The following ZNF654 variants were observed in gnomAD, a reference collection of about 807,000 sequenced individuals.
The protein encoded by ZNF654 is melanoma-associated antigen.
Under a neutral mutation model 95.3 loss-of-function variants are expected in ZNF654, and 19 were observed. The observed-to-expected ratio is 0.20, with a 90% confidence interval of 0.14 to 0.29. The LOEUF is 0.29. ZNF654 is among the 10% of genes least tolerant of loss of function. The pLI, the probability that ZNF654 is intolerant of heterozygous loss-of-function variation, is 1.00. For missense variants in ZNF654, 1,046 were observed against 1,341.0 expected (o/e 0.78, Z 3.44); for synonymous variants, 413 against 457.9 (o/e 0.90, Z 1.25).
In ZNF654 at chr3:88,088,765, G is replaced by T. The variant is rs541485663; in HGVS notation, c.332+2363G>T. ...TTATTTATGTATGTATGTATGTATG[G>T]ATGGATGGATGGATGGATGGATGGA... On this transcript the variant is annotated intron_variant, in intron 2 of 8. Coordinates refer to ENST00000636215, the MANE Select transcript of ZNF654 (RefSeq NM_001350134.2). 6.1e-3 allele frequency among the ~76,000 whole-genome samples: 917 copies of T among 149,560 alleles called. 7 individuals carry two copies. The highest frequency in any genetic ancestry group is 0.02 in the African/African-American group (817 of 40,424).
rs1261849922 is a variant in ZNF654, at chr3:88,144,270, T to C, written c.*2618T>C. 1 of 152,388 alleles carries C rather than the reference T, an allele frequency of 6.6e-6. No individual in the cohort carries two copies. The highest frequency in any genetic ancestry group is 1.5e-5 in the Non-Finnish European group (1 of 67,840). The allele number at this position is 152,388 out of a possible 1,614,324, so 9.4% of individuals were successfully genotyped here. A position where few individuals can be genotyped will look rare whatever the true frequency, so the allele number is the denominator to read the frequency against. On this transcript the variant is annotated 3_prime_UTR_variant, in exon 9 of 9. Coordinates refer to ENST00000636215, the MANE Select transcript of ZNF654 (RefSeq NM_001350134.2). ...AATTATATAATACTTAAATAATTTA[T>C]ATCATTGAACTTGTGATTCTTTTCA...
intron 1 of ZNF654, among the ~76,000 whole-genome samples, chr3:88,080,157 G>A (rs562611126): frequency 6.6e-6 from 1 of 152,026 alleles, no homozygotes; most frequent in East Asian, 1.9e-4. Context: ...TGCATTGTTT[G>A]TCAGATGAGC....
In ZNF654 at chr3:88,142,535, CTGTT is replaced by C. The variant is rs1707182479; in HGVS notation, c.*887_*890del. 1 of 152,270 alleles carries C rather than the reference CTGTT, an allele frequency of 6.6e-6. No individual in the cohort carries two copies. Among genetic ancestry groups the C allele is most frequent in the Non-Finnish European group, 1.5e-5 (1 of 67,836 alleles). The allele number at this position is 152,270 out of a possible 1,614,324, so 9.4% of individuals were successfully genotyped here. On this transcript the variant is annotated 3_prime_UTR_variant, in exon 9 of 9. Coordinates refer to ENST00000636215, the MANE Select transcript of ZNF654 (RefSeq NM_001350134.2). ...ATGGTAAAAGCACACTGGGATACTTCTGTTTGTGTATATGTTGGGACATTGCTTG... is the reference window on the plus strand; with the variant it reads ...ATGGTAAAAGCACACTGGGATACTTCTGTGTATATGTTGGGACATTGCTTG...
At chr3:88,129,321 TAAAAAAA>T (rs11370327) in intron 5 of ZNF654, among the ~76,000 whole-genome samples, 1 of 76,948 alleles carries the variant, frequency 1.3e-5, no homozygotes, top group Non-Finnish European at 2.4e-5. Context: ...TTGCCAGGAG[TAAAAAAA>T]AAAAAAAAAA....
At chr3:88,082,029 A>G (rs540019365) in intron 1 of ZNF654, among the ~76,000 whole-genome samples, 1 of 152,332 alleles carries the variant, frequency 6.6e-6, no homozygotes, top group African/African-American at 2.4e-5. Context: ...AGATTGTATT[A>G]GTCTGCGTTC....
At chr3:88,079,510 A>G (rs1455278377) in intron 1 of ZNF654, among the ~76,000 whole-genome samples, 1 of 152,088 alleles carries the variant, frequency 6.6e-6, no homozygotes, top group Admixed American at 6.5e-5. Context: ...TTTTTGTTTC[A>G]TAATGAAGAA....
chr3:88,141,675 G>A lies in ZNF654; in HGVS notation c.*23G>A, dbSNP rs1707143611. On this transcript the variant is annotated 3_prime_UTR_variant, in exon 9 of 9. Coordinates refer to ENST00000636215, the MANE Select transcript of ZNF654 (RefSeq NM_001350134.2). ...TGATGAAAACGGTTCAGAAAGATCT[G>A]TCAATCAAGCAGTAGTGTGAAAAAA... The A allele has an allele frequency of 2.7e-6, 4 of 1,498,920 alleles. No individual in the cohort carries two copies. In the South Asian group the frequency reaches 5.3e-5, roughly 20 times the overall value. 92.9% of individuals were successfully genotyped at this position (1,498,920 alleles called of 1,614,324 possible).
chr3:88,128,158 G>A (rs1706230496), intron 4 of ZNF654, among the ~76,000 whole-genome samples: 1 of 152,008 alleles, frequency 6.6e-6, no homozygotes, highest in African/African-American at 2.4e-5. Context: ...TCATAAGGTT[G>A]TTGTTAGGTC....
At chr3:88,116,299 T>A (rs573535148) in intron 3 of ZNF654, among the ~76,000 whole-genome samples, 1 of 152,158 alleles carries the variant, frequency 6.6e-6, no homozygotes, top group South Asian at 2.1e-4. Flanking sequence ...GGCGGGCAGA[T>A]CACCTGAGGG....
rs1311714672 is a variant in ZNF654 at position 88,142,443 on chromosome 3, A to G, written c.*791A>G. ...CAGTACTCTGGGGAGAGATGAAAGG[A>G]ATCTAAGACTTTACAGGCTTTGTAG... On this transcript the variant is annotated 3_prime_UTR_variant, in exon 9 of 9. Coordinates refer to ENST00000636215, the MANE Select transcript of ZNF654 (RefSeq NM_001350134.2). 2.6e-5 allele frequency: 4 copies of G among 152,502 alleles called. No individual in the cohort carries two copies. The East Asian group carries it at 7.7e-4, about 29-fold the overall frequency. 9.4% of individuals were successfully genotyped at this position (152,502 alleles called of 1,614,324 possible).
At chr3:88,124,400 C>T (rs890513825) in intron 3 of ZNF654, among the ~76,000 whole-genome samples, 1 of 152,186 alleles carries the variant, frequency 6.6e-6, no homozygotes, top group Admixed American at 6.5e-5. Context: ...TAATGTTTGA[C>T]TATAAGTGAT....
chr3:88,113,766 C>G (rs1398021172), intron 3 of ZNF654, among the ~76,000 whole-genome samples: 1 of 151,802 alleles, frequency 6.6e-6, no homozygotes, highest in Non-Finnish European at 1.5e-5. Flanking sequence ...TTGAGCTCCC[C>G]CTAGGGGTGA....
At chr3:88,072,955 T>A (rs1272313046) in intron 1 of ZNF654, among the ~76,000 whole-genome samples, 2 of 117,236 alleles carry the variant, frequency 1.7e-5, no homozygotes. Context: ...AGGATTTGAC[T>A]TGACTCTTAA....
At chr3:88,080,308 A>C (rs1172211963) in intron 1 of ZNF654, among the ~76,000 whole-genome samples, 1 of 152,114 alleles carries the variant, frequency 6.6e-6, no homozygotes, top group African/African-American at 2.4e-5. Flanking sequence ...TGATGTAATG[A>C]AATTGTCACT....
Position 88,142,978 on chromosome 3 carries a change from T to C in ZNF654, c.*1326T>C, listed in dbSNP as rs1036870364. The C allele has an allele frequency of 6.6e-6, 1 of 152,302 alleles. No homozygotes were observed. Among genetic ancestry groups the C allele is most frequent in the African/African-American group, 2.4e-5 (1 of 41,424 alleles). The allele number at this position is 152,302 out of a possible 1,614,324, so 9.4% of individuals were successfully genotyped here. ...AAGATGCTTAAAGACTTCCTTTTAC[T>C]AATAGTGTGTAAATCTAAAACAGGG... On this transcript the variant is annotated 3_prime_UTR_variant, in exon 9 of 9. Transcript: ENST00000636215.
At chr3:88,121,100 A>G (rs1447800055) in intron 3 of ZNF654, among the ~76,000 whole-genome samples, 3 of 151,894 alleles carry the variant, frequency 2.0e-5, no homozygotes, top group African/African-American at 7.2e-5. Context: ...TTAAAGTAAA[A>G]TAAATAATAA....
chr3:88,140,875 T>C lies in ZNF654; in HGVS notation c.3206T>C (p.Phe1069Ser). Residue 1069 changes from phenylalanine (F) to serine (S), a missense_variant, in exon 8 of 9, where the codon TTT becomes TCT. Physicochemically the swap from Phe to Ser is radical, Grantham distance 155 (BLOSUM62 -2). This residue lies in a region of ZNF654 where 59 missense variants were observed against 73.0 expected (regional missense o/e 0.81). Transcript: ENST00000636215. ...CTTAGTATGCCAAAACGCAGAAAAT[T>C]TCTGACTGATAGAGTAGATGCCTGT... ...RYLSMPKRRK[F>S]LTDRVDACSD... is the part of the protein sequence containing the mutation. 6.2e-7 allele frequency: 1 copy of C among 1,613,614 alleles called. No homozygotes were observed. Among genetic ancestry groups the C allele is most frequent in the South Asian group, 1.1e-5 (1 of 91,070 alleles).
chr3:88,069,802 G>A (rs1419812919), intron 1 of ZNF654, among the ~76,000 whole-genome samples: 1 of 152,160 alleles, frequency 6.6e-6, no homozygotes, highest in Non-Finnish European at 1.5e-5. Flanking sequence ...CTGCAAACCA[G>A]TAGAAGTTAT....
rs1291447835 is a variant in ZNF654, at chr3:88,129,961, ATAG to A, written c.893+139_893+141del. 16 of 708,866 alleles carry A rather than the reference ATAG, an allele frequency of 2.3e-5. No homozygotes were observed. In the African/African-American group the frequency reaches 2.3e-4, roughly 10 times the overall value. The allele number at this position is 708,866 out of a possible 1,614,324, so 43.9% of individuals were successfully genotyped here. A position where few individuals can be genotyped will look rare whatever the true frequency, so the allele number is the denominator to read the frequency against. On this transcript the variant is annotated intron_variant, in intron 6 of 8. Coordinates refer to ENST00000636215, the MANE Select transcript of ZNF654 (RefSeq NM_001350134.2). Reference sequence around the variant, plus strand: ...AAAAAAATTGATTGTGCAAGGAACAATAGTAGATTCTAAGAACTAGAGACTTTA... The same window carrying A: ...AAAAAAATTGATTGTGCAAGGAACAATAGATTCTAAGAACTAGAGACTTTA...
Sources: allele counts gnomAD v4.1 joint callset (sites outside exome capture counted in the v4.1 genomes callset), GRCh38; gene constraint gnomAD v4.1.1; regional missense constraint gnomAD v4.1.1; transcripts MANE v1.5; gene names NCBI Gene and HGNC (gene_info 2026-07-23, HGNC 2026-07-21).